The following POLK variants were observed in gnomAD, a reference collection of about 807,000 sequenced individuals.
POLK encodes polymerase (DNA directed) kappa.
Under a neutral mutation model 94.0 loss-of-function variants are expected in POLK, and 76 were observed. The ratio of observed to expected loss-of-function variants is 0.81; its 90% CI spans 0.67 to 0.98. POLK has a LOEUF of 0.98. Among genes scored for constraint, POLK ranks in the 50% least tolerant of loss-of-function variants. POLK has a pLI of 0.00. For synonymous variants in POLK, 349 were observed against 325.4 expected, an observed-to-expected ratio of 1.07 and a Z score of -0.78; for missense variants, 954 against 1,010.1, an observed-to-expected ratio of 0.94 and a Z score of 0.75.
At chr5:75,562,746 T>C (rs530448431) in intron 3 of POLK, among the ~76,000 whole-genome samples, 152 of 152,380 alleles carry the variant, frequency 1.0e-3, no homozygotes, top group African/African-American at 3.4e-3. Flanking sequence ...TCCAAGGTCT[T>C]TTCTGCATCC....
chr5:75,538,312 T>A (rs1277682861), intron 1 of POLK, among the ~76,000 whole-genome samples: 2 of 152,232 alleles, frequency 1.3e-5, no homozygotes, highest in East Asian at 3.8e-4. Flanking sequence ...TCTCATTAAT[T>A]TAAAAAAGTT....
At chr5:75,552,640 G>C (rs1189534080) in intron 3 of POLK, 49 bp downstream of exon 3, 3 of 1,509,376 alleles carry the variant, frequency 2.0e-6, no homozygotes, top group Admixed American at 4.1e-5. Flanking sequence ...AATAGTAATT[G>C]ACAGTTAAAA....
At chr5:75,519,895 A>G (rs1167088114) in intron 1 of POLK, among the ~76,000 whole-genome samples, 1 of 152,182 alleles carries the variant, frequency 6.6e-6, no homozygotes, top group Non-Finnish European at 1.5e-5. Context: ...ATTGGTAAGT[A>G]AGAACTTATT....
intron 3 of POLK, among the ~76,000 whole-genome samples, chr5:75,557,877 CT>C (rs1431695966): frequency 1.3e-5 from 2 of 152,296 alleles, no homozygotes; most frequent in Non-Finnish European, 1.5e-5. Context: ...GCATCTTCCT[CT>C]TCCTGGGTTC....
At chr5:75,553,438 A>G (rs1770429366) in intron 3 of POLK, among the ~76,000 whole-genome samples, 1 of 152,170 alleles carries the variant, frequency 6.6e-6, no homozygotes, top group South Asian at 2.1e-4. Context: ...CATAAATTTT[A>G]TGTTTTCTTT....
At position 75,546,988 on chromosome 5, in the gene POLK, G is replaced by A. The variant is rs902832093; in HGVS notation, c.-13-22G>A. 4 of 1,368,558 alleles carry A rather than the reference G, an allele frequency of 2.9e-6. No homozygotes were observed. The African/African-American group carries it at 4.4e-5, about 15-fold the overall frequency. 84.8% of individuals were successfully genotyped at this position (1,368,558 alleles called of 1,614,324 possible). A position where few individuals can be genotyped will look rare whatever the true frequency, so the allele number is the denominator to read the frequency against. On this transcript the variant is annotated intron_variant, in intron 1 of 14. Transcript: ENST00000241436. ...GGCCACAGATGGTTTTAAAAGCAGT[G>A]TTTATCTTTATGCTTTTTCAGATAA...
intron 13 of POLK, 38 bp downstream of exon 13, chr5:75,597,216 G>A: frequency 1.0e-6 from 1 of 981,254 alleles, no homozygotes; most frequent in Non-Finnish European, 1.6e-6. Context: ...TGATTTTCTA[G>A]GAATATGTAT....
chr5:75,594,477 T>C (rs1772964536), intron 12 of POLK, among the ~76,000 whole-genome samples: 1 of 152,340 alleles, frequency 6.6e-6, no homozygotes, highest in Admixed American at 6.5e-5. Flanking sequence ...AAAGTTGTTA[T>C]TTTCCTTATA....
intron 11 of POLK, 186 bp downstream of exon 11, chr5:75,590,626 A>T: frequency 1.8e-6 from 1 of 542,200 alleles, no homozygotes; most frequent in Admixed American, 3.0e-5. Flanking sequence ...GGAGTCTGTG[A>T]TGAGGTGATT....
At chr5:75,541,192 G>C (rs1054024626) in intron 1 of POLK, among the ~76,000 whole-genome samples, 5 of 152,114 alleles carry the variant, frequency 3.3e-5, no homozygotes, top group Non-Finnish European at 5.9e-5. Context: ...TCGGGAGGCT[G>C]AGGCAGGAGA....
At chr5:75,596,275 A>C (rs139591993) in exon 13 of POLK, 2 of 1,612,974 alleles carry the variant, frequency 1.2e-6, no homozygotes, top group Non-Finnish European at 1.7e-6. Context: ...CCAACAAAGG[A>C]GCATTATTGG....
chr5:75,581,299 C>G (rs759231525), exon 7 of POLK: 2 of 1,613,294 alleles, frequency 1.2e-6, no homozygotes, highest in East Asian at 4.5e-5. Flanking sequence ...GATGTGCAGC[C>G]CCCAGGAGAT....
intron 1 of POLK, among the ~76,000 whole-genome samples, chr5:75,537,950 G>A (rs537173818): frequency 3.3e-5 from 5 of 151,806 alleles, no homozygotes; most frequent in Admixed American, 2.6e-4. Context: ...TCTGCCTCCC[G>A]GGTTCATGCC....
chr5:75,555,072 G>A (rs935553094), intron 3 of POLK, among the ~76,000 whole-genome samples: 7 of 152,138 alleles, frequency 4.6e-5, no homozygotes, highest in Admixed American at 3.9e-4. Flanking sequence ...CTCCCCACAG[G>A]CATAGCCTCC....
chr5:75,514,168 G>A (rs1197988677), intron 1 of POLK, among the ~76,000 whole-genome samples: 1 of 151,916 alleles, frequency 6.6e-6, no homozygotes, highest in Admixed American at 6.6e-5. Flanking sequence ...ATCTGACTGG[G>A]GTGCTATAAA....
chr5:75,596,776 A>G (rs1773111266), exon 13 of POLK: 2 of 1,612,240 alleles, frequency 1.2e-6, no homozygotes, highest in Admixed American at 1.7e-5. Flanking sequence ...AATTAAAGAA[A>G]TATCTTCAGT....
chr5:75,511,078 G>GGCCAGGGGTCCCTTGGC, upstream of POLK: 1 of 1,512,094 alleles, frequency 6.6e-7, no homozygotes, highest in African/African-American at 1.4e-5. Flanking sequence ...AGGTGAGTCT[G>GGCCAGGGGTCCCTTGGC]GCCAGGGGTC....
At chr5:75,511,099 A>AG (rs2112492816), upstream of POLK, 1 of 1,539,142 alleles carries the variant, frequency 6.5e-7, no homozygotes, top group Non-Finnish European at 8.7e-7. Context: ...CCTTGGCACC[A>AG]GGGGTTGCTC....
intron 1 of POLK, among the ~76,000 whole-genome samples, chr5:75,537,844 A>G (rs965551248): frequency 4.0e-5 from 6 of 151,524 alleles, no homozygotes; most frequent in African/African-American, 1.5e-4. Context: ...TGTTTTTTTT[A>G]TTTTTTTATT....
Sources: gnomAD v4.1 joint callset for allele counts (sites outside exome capture counted in the v4.1 genomes callset) on GRCh38, gnomAD v4.1.1 for gene constraint, MANE v1.5 for transcripts, NCBI Gene and HGNC (gene_info 2026-07-23, HGNC 2026-07-21) for gene names.